Variants in LRRC32 observed in about 807,000 individuals in gnomAD.
The protein encoded by LRRC32 is leucine rich repeat containing 32, also known as transforming growth factor beta activator LRRC32.
LRRC32 carries 5 observed loss-of-function variants against 15.0 expected under a neutral mutation model. The ratio of observed to expected loss-of-function variants is 0.33; its 90% confidence interval spans 0.17 to 0.70. The LOEUF (loss-of-function observed/expected upper bound fraction) is 0.70. Among genes scored for constraint, LRRC32 ranks in the 30% least tolerant of loss-of-function variants. The pLI is 0.66. For synonymous variants in LRRC32, 391 were observed against 403.9 expected (o/e 0.97, Z 0.38); for missense variants, 803 against 854.2 (o/e 0.94, Z 0.75).
In LRRC32 at chr11:76,659,487, G is replaced by C; in HGVS notation, c.*117C>G. On this transcript the variant is annotated 3_prime_UTR_variant, in exon 3 of 3. Coordinates refer to ENST00000260061, the MANE Select transcript of LRRC32 (RefSeq NM_001128922.2). ...CAGGCGGCAGAGAAAGGTGTCCTGG[G>C]CTGTAATTTGGAGACCAGAGTTCTG... 1 of 1,113,992 alleles carries C rather than the reference G, an allele frequency of 9.0e-7. No homozygotes were observed. The highest frequency in any genetic ancestry group is 1.6e-5 in the South Asian group (1 of 63,386). The allele number at this position is 1,113,992 out of a possible 1,614,324, so 69.0% of individuals were successfully genotyped here. A position where few individuals can be genotyped will look rare whatever the true frequency, so the allele number is the denominator to read the frequency against.
intron 1 of LRRC32, among the ~76,000 whole-genome samples, chr11:76,667,470 T>A (rs943655641): frequency 6.6e-6 from 1 of 152,116 alleles, no homozygotes; most frequent in Non-Finnish European, 1.5e-5. Flanking sequence ...CCGCTAGTGA[T>A]GAGCTATGGA....
At chr11:76,665,370 A>G (rs966714215) in intron 2 of LRRC32, among the ~76,000 whole-genome samples, 1 of 151,974 alleles carries the variant, frequency 6.6e-6, no homozygotes, top group African/African-American at 2.4e-5. Context: ...CTTCCTGGAG[A>G]TGGCAGCATT....
chr11:76,661,613 C>T, intron 2 of LRRC32, 105 bp from the exon 3 acceptor site: 1 of 1,446,304 alleles, frequency 6.9e-7, no homozygotes, highest in Non-Finnish European at 9.1e-7. Context: ...GAACCCTTCT[C>T]CCATGGACTC....
chr11:76,665,813 A>C, intron 2 of LRRC32, 58 bp downstream of exon 2: 1 of 1,603,960 alleles, frequency 6.2e-7, no homozygotes, highest in South Asian at 1.1e-5. Flanking sequence ...GGGCACTAGC[A>C]CACCCTAGGG....
At chr11:76,670,064 G>A (rs993450701) in intron 1 of LRRC32, 4 of 152,348 alleles carry the variant, frequency 2.6e-5, no homozygotes, top group Admixed American at 1.3e-4. Flanking sequence ...CATCCCACGG[G>A]GGAATTAGAC....
In LRRC32 at chr11:76,660,145, G is replaced by A. The variant is rs745681566; in HGVS notation, c.1448C>T (p.Thr483Met). ...GGCCTCCAGGCCTCCCAAGGCCCCC[G>A]TGGCCACCTCCAGCCCAGGATTGGA... ...LSSNPGLEVA[T>M]GALGGLEASL... is the part of the protein sequence containing the mutation. The change falls in exon 3 of 3, where the codon ACG (threonine) becomes ATG (methionine). Residue 483 changes from threonine to methionine, a missense_variant. By Grantham distance (81) the Thr-to-Met change is moderately conservative. Transcript: ENST00000260061. The A allele has an allele frequency of 2.5e-5, 40 of 1,606,418 alleles. No individual in the cohort carries two copies. The South Asian group carries it at 3.1e-4, about 12-fold the overall frequency.
chr11:76,661,825 A>G (rs1952540696), intron 2 of LRRC32, among the ~76,000 whole-genome samples: 1 of 152,158 alleles, frequency 6.6e-6, no homozygotes, highest in African/African-American at 2.4e-5. Flanking sequence ...CCCTGTACTT[A>G]TTATTACCCC....
intron 1 of LRRC32, 140 bp downstream of exon 1, chr11:76,670,474 C>T (rs564138687): frequency 6.6e-6 from 1 of 152,376 alleles, no homozygotes; most frequent in East Asian, 1.9e-4. Flanking sequence ...AGCCCCGGCT[C>T]CACGCGCGCA....
chr11:76,660,030 A>C lies in LRRC32; in HGVS notation c.1563T>G (p.Leu521=), dbSNP rs758115252. ...PCFICLKRLN[L]AENRLSHLPA... ...GAAGGTGGCTCAGGCGGTTCTCGGC[A>C]AGATTGAGCCGCTTGAGGCAGATGA... is the stretch of plus-strand genomic sequence containing the variant. Residue 521 remains leucine (L), a synonymous_variant, in exon 3 of 3, where the codon CTT becomes CTG. Coordinates refer to ENST00000260061, the MANE Select transcript of LRRC32 (RefSeq NM_001128922.2). 1 of 1,614,152 alleles carries C rather than the reference A, an allele frequency of 6.2e-7. No individual in the cohort carries two copies. The highest frequency in any genetic ancestry group is 1.1e-5 in the South Asian group (1 of 91,090).
chr11:76,668,386 G>C (rs187111391), intron 1 of LRRC32, among the ~76,000 whole-genome samples: 2 of 152,134 alleles, frequency 1.3e-5, no homozygotes, highest in East Asian at 3.9e-4. Context: ...CAGCCAGAGT[G>C]ATAATATAAA....
At position 76,661,383 on chromosome 11, in the gene LRRC32, G is replaced by A; in HGVS notation, c.210C>T (p.Gly70=). Residue 70 remains glycine (G), a synonymous_variant, in exon 3 of 3, where the codon GGC becomes GGT. Transcript: ENST00000260061. ...QLRSILASPL[G]FYTALRHLDL... is the part of the protein sequence containing the mutation. The stretch of plus-strand genomic sequence containing the variant: ...CCAGGTGACGAAGTGCTGTGTAGAA[G>A]CCCAGGGGTGAGGCCAGGATACTCC... The A allele has an allele frequency of 6.2e-7, 1 of 1,614,124 alleles. No individual in the cohort carries two copies. The highest frequency in any genetic ancestry group is 8.5e-7 in the Non-Finnish European group (1 of 1,179,980).
intron 2 of LRRC32, 44 bp downstream of exon 2, chr11:76,665,827 G>A: frequency 6.2e-7 from 1 of 1,612,908 alleles, no homozygotes; most frequent in Non-Finnish European, 8.5e-7. Flanking sequence ...CCTAGGGCAG[G>A]GAGGTGGGGG....
Position 76,657,652 on chromosome 11 carries a change from T to C in LRRC32, c.*1952A>G, listed in dbSNP as rs1952437182. 1 of 152,802 alleles carries C rather than the reference T, an allele frequency of 6.5e-6. No individual in the cohort carries two copies. The highest frequency in any genetic ancestry group is 1.5e-5 in the Non-Finnish European group (1 of 68,096). The allele number at this position is 152,802 out of a possible 1,614,324, so 9.5% of individuals were successfully genotyped here. ...GTGTAGTGTTTTCAAAGATCAGGCG[T>C]GGGGACCCACACCTTGGCCTCCAGG... is the stretch of plus-strand genomic sequence containing the variant. On this transcript the variant is annotated 3_prime_UTR_variant, in exon 3 of 3. Coordinates refer to ENST00000260061, the MANE Select transcript of LRRC32 (RefSeq NM_001128922.2).
In LRRC32 at chr11:76,659,745, C is replaced by G. The variant is rs1393954682; in HGVS notation, c.1848G>C (p.Glu616Asp). The change falls in exon 3 of 3, where the codon GAG becomes GAC. Residue 616 changes from glutamate (E) to aspartate (D), a missense_variant. Glu to Asp is a conservative substitution (Grantham distance 45, BLOSUM62 2). Coordinates refer to ENST00000260061, the MANE Select transcript of LRRC32 (RefSeq NM_001128922.2). The part of the protein sequence containing the change: ...EEVSLSHVRP[E>D]DCEKGGLKNI... ...TCTTCAGTCCCCCCTTCTCACAGTCCTCGGGACGCACGTGGCTCAGGGACA... is the reference window on the plus strand; with the variant it reads ...TCTTCAGTCCCCCCTTCTCACAGTCGTCGGGACGCACGTGGCTCAGGGACA... The G allele has an allele frequency of 1.2e-6, 2 of 1,614,246 alleles. No homozygotes were observed. Among genetic ancestry groups the G allele is most frequent in the Admixed American group, 3.3e-5 (2 of 60,030 alleles).
rs200377654 is a variant in LRRC32 at position 76,665,840 on chromosome 11, G to A, written c.84+31C>T. ...ACCCTAGGGCAGGGAGGTGGGGGTG[G>A]TCCTCACCCTGTCTGGGCAGAGCAT... On this transcript the variant is annotated intron_variant, in intron 2 of 2. Coordinates refer to ENST00000260061, the MANE Select transcript of LRRC32 (RefSeq NM_001128922.2). The A allele has an allele frequency of 3.7e-6, 6 of 1,613,662 alleles. No homozygotes were observed. The Admixed American group carries it at 8.3e-5, about 22-fold the overall frequency.
intron 1 of LRRC32, among the ~76,000 whole-genome samples, chr11:76,667,672 C>A (rs1952647412): frequency 6.6e-6 from 1 of 152,248 alleles, no homozygotes; most frequent in Non-Finnish European, 1.5e-5. Flanking sequence ...AACGCCACCG[C>A]CCGTTAGAAA....
rs749681420 is a variant in LRRC32 at position 76,661,158 on chromosome 11, C to G, written c.435G>C (p.Leu145=). 13 of 1,613,766 alleles carry G rather than the reference C, an allele frequency of 8.1e-6. No homozygotes were observed. The Admixed American group carries it at 1.3e-4, about 17-fold the overall frequency. The change falls in exon 3 of 3, where the codon CTG becomes CTC. Residue 145 remains leucine, a synonymous_variant. Coordinates refer to ENST00000260061, the MANE Select transcript of LRRC32 (RefSeq NM_001128922.2). ...SLYSGLLERL[L]GEAPSLHTLS... ...GGGTATGCAGGCTGGGTGCCTCCCCCAGCAGCCGCTCCAGCAGGCCGCTGT... is the reference window on the plus strand; with the variant it reads ...GGGTATGCAGGCTGGGTGCCTCCCCGAGCAGCCGCTCCAGCAGGCCGCTGT...
At chr11:76,665,406 G>C (rs751125916) in intron 2 of LRRC32, among the ~76,000 whole-genome samples, 5 of 152,134 alleles carry the variant, frequency 3.3e-5, no homozygotes, top group Non-Finnish European at 7.4e-5. Context: ...GAAGTGAGAG[G>C]CACTCCAGCG....
At position 76,658,844 on chromosome 11, in the gene LRRC32, A is replaced by G. The variant is rs962272230; in HGVS notation, c.*760T>C. ...GAGCAGCACTGGGGTCAGGGTATGC[A>G]ACATGAGAGTGCCAGGAAGGGAGAG... is the stretch of plus-strand genomic sequence containing the variant. On this transcript the variant is annotated 3_prime_UTR_variant, in exon 3 of 3. Coordinates refer to ENST00000260061, the MANE Select transcript of LRRC32 (RefSeq NM_001128922.2). 9 of 153,122 alleles carry G rather than the reference A, an allele frequency of 5.9e-5. No homozygotes were observed. The highest frequency in any genetic ancestry group is 2.2e-4 in the African/African-American group (9 of 41,440). 9.5% of individuals were successfully genotyped at this position (153,122 alleles called of 1,614,324 possible). A position where few individuals can be genotyped will look rare whatever the true frequency, so the allele number is the denominator to read the frequency against.
Sources: gnomAD v4.1 joint callset for allele counts (sites outside exome capture counted in the v4.1 genomes callset) on GRCh38, gnomAD v4.1.1 for gene constraint, MANE v1.5 for transcripts, NCBI Gene and HGNC (gene_info 2026-07-23, HGNC 2026-07-21) for gene names.